The following NAALADL2 variants were observed in gnomAD, a reference collection of about 807,000 sequenced individuals.
The protein encoded by NAALADL2 is inactive N-acetylated-alpha-linked acidic dipeptidase-like protein 2.
NAALADL2 carries 76 observed loss-of-function variants against 87.2 expected under a neutral mutation model. That is an observed-to-expected ratio of 0.87 (90% CI 0.72 to 1.05). NAALADL2 has a LOEUF of 1.05. Ranked by LOEUF, NAALADL2 falls within the 50% of genes least tolerant of loss-of-function variation. NAALADL2 has a pLI of 0.00. For missense variants in NAALADL2, 1,089 were observed against 945.8 expected, an observed-to-expected ratio of 1.15 and a Z score of -1.99; for synonymous variants, 354 against 331.0, an observed-to-expected ratio of 1.07 and a Z score of -0.75.
intron 1 of NAALADL2, among the ~76,000 whole-genome samples, chr3:174,450,604 G>A (rs377256938): frequency 6.6e-6 from 1 of 152,188 alleles, no homozygotes; most frequent in South Asian, 2.1e-4. Context: ...GGGCGCGGTG[G>A]CTATTGCCTG....
intron 2 of NAALADL2, among the ~76,000 whole-genome samples, chr3:174,675,283 T>C (rs1037187224): frequency 2.0e-5 from 3 of 152,034 alleles, no homozygotes; most frequent in African/African-American, 7.2e-5. Context: ...AGGGATGACA[T>C]TTGCACTTGA....
intron 3 of NAALADL2, among the ~76,000 whole-genome samples, chr3:175,238,698 T>C (rs1746334897): frequency 6.6e-6 from 1 of 152,194 alleles, no homozygotes; most frequent in African/African-American, 2.4e-5. Flanking sequence ...TTAGATATAT[T>C]ATTGAAACTC....
At chr3:175,192,124 T>C (rs1738298625) in intron 2 of NAALADL2, among the ~76,000 whole-genome samples, 1 of 152,072 alleles carries the variant, frequency 6.6e-6, no homozygotes, top group South Asian at 2.1e-4. Flanking sequence ...AAAACAAATA[T>C]CAAACACTTT....
chr3:174,834,130 C>G (rs1723054551), intron 3 of NAALADL2, among the ~76,000 whole-genome samples: 1 of 148,160 alleles, frequency 6.7e-6, no homozygotes, highest in African/African-American at 2.5e-5. Context: ...AGGATTTATT[C>G]CCAAATGCAA....
At chr3:175,580,424 T>C (rs757623861) in intron 10 of NAALADL2, among the ~76,000 whole-genome samples, 3 of 152,198 alleles carry the variant, frequency 2.0e-5, no homozygotes, top group Non-Finnish European at 4.4e-5. Flanking sequence ...TAGAAGAATT[T>C]GTTACTTTCA....
intron 2 of NAALADL2, among the ~76,000 whole-genome samples, chr3:174,664,620 A>G (rs2108786255): frequency 6.6e-6 from 1 of 152,178 alleles, no homozygotes; most frequent in East Asian, 1.9e-4. Flanking sequence ...ACATACCTAC[A>G]TATGTTGTAG....
intron 5 of NAALADL2, among the ~76,000 whole-genome samples, chr3:175,403,523 G>A (rs184215033): frequency 4.2e-4 from 64 of 152,052 alleles, no homozygotes; most frequent in East Asian, 3.7e-3. Context: ...AAGGAATATC[G>A]TATATTTTTT....
At chr3:175,563,090 A>T (rs1362652043) in intron 9 of NAALADL2, among the ~76,000 whole-genome samples, 1 of 152,030 alleles carries the variant, frequency 6.6e-6, no homozygotes, top group East Asian at 1.9e-4. Flanking sequence ...TATTTAATTT[A>T]TTCTCTTTAG....
At chr3:175,768,917 T>A (rs951309174) in intron 13 of NAALADL2, among the ~76,000 whole-genome samples, 1 of 151,550 alleles carries the variant, frequency 6.6e-6, no homozygotes, top group African/African-American at 2.4e-5. Flanking sequence ...GATTTAAAAC[T>A]GAGTTTGAAT....
chr3:175,129,573 A>G (rs1727490167), intron 2 of NAALADL2, among the ~76,000 whole-genome samples: 2 of 152,162 alleles, frequency 1.3e-5, no homozygotes, highest in South Asian at 4.1e-4. Context: ...TCTGTGTTTG[A>G]GTTATTTCAC....
intron 3 of NAALADL2, among the ~76,000 whole-genome samples, chr3:174,838,378 G>A (rs1310467228): frequency 6.6e-6 from 1 of 152,130 alleles, no homozygotes; most frequent in Non-Finnish European, 1.5e-5. Flanking sequence ...CAGACCCACG[G>A]CCAACATAAT....
At chr3:175,001,130 C>G (rs957446145) in intron 1 of NAALADL2, among the ~76,000 whole-genome samples, 1 of 152,152 alleles carries the variant, frequency 6.6e-6, no homozygotes, top group Non-Finnish European at 1.5e-5. Context: ...GACAATTTGG[C>G]CACTATGTCA....
In NAALADL2 at chr3:175,806,061, T is replaced by C. The variant is rs1754675641; in HGVS notation, c.*2858T>C. 6.6e-6 allele frequency: 1 copy of C among 151,934 alleles called. No homozygotes were observed. The highest frequency in any genetic ancestry group is 2.4e-5 in the African/African-American group (1 of 41,402). The allele number at this position is 151,934 out of a possible 1,614,324, so 9.4% of individuals were successfully genotyped here. A position where few individuals can be genotyped will look rare whatever the true frequency, so the allele number is the denominator to read the frequency against. On this transcript the variant is annotated 3_prime_UTR_variant, in exon 14 of 14. Transcript: ENST00000454872. Reference sequence around the variant, plus strand: ...CTCTGCTTTCTCATGCAGTATATCTTGCTTCTCCCTGAGGAGACAGGGTTA... The same window carrying C: ...CTCTGCTTTCTCATGCAGTATATCTCGCTTCTCCCTGAGGAGACAGGGTTA...
chr3:175,646,136 C>A (rs991214321), intron 11 of NAALADL2, among the ~76,000 whole-genome samples: 3 of 151,872 alleles, frequency 2.0e-5, no homozygotes, highest in African/African-American at 7.2e-5. Context: ...TTGTCTTTTT[C>A]AACTTTGCTT....
Position 175,723,105 on chromosome 3 carries a change from A to C in NAALADL2, c.1897-14201A>C, listed in dbSNP as rs1012543450. Among the ~76,000 whole-genome samples, 3 of 152,244 alleles carry C rather than the reference A, an allele frequency of 2.0e-5. No homozygotes were observed. The South Asian group carries it at 6.2e-4, about 32-fold the overall frequency. On this transcript the variant is annotated intron_variant, in intron 11 of 13. Transcript: ENST00000454872. Reference sequence around the variant, plus strand: ...CCAGCGTCTAGTCAAGCTGTCCTAGATGTAGAAGAGACTGCTCAGTTCACA... The same window carrying C: ...CCAGCGTCTAGTCAAGCTGTCCTAGCTGTAGAAGAGACTGCTCAGTTCACA...
At chr3:174,626,955 G>GATTCATTTATTCATAAACT (rs1389487438) in intron 2 of NAALADL2, among the ~76,000 whole-genome samples, 5 of 151,986 alleles carry the variant, frequency 3.3e-5, no homozygotes, top group Admixed American at 3.3e-4. Context: ...TTACAAAGAT[G>GATTCATTTATTCATAAACT]ATTCATTTAT....
intron 10 of NAALADL2, among the ~76,000 whole-genome samples, chr3:175,595,437 T>C (rs114412314): frequency 1.9e-3 from 287 of 152,060 alleles, no homozygotes; most frequent in African/African-American, 6.3e-3. Flanking sequence ...GGAAAATAAG[T>C]CAAAATATCT....
At chr3:175,492,282 T>C (rs1192286702) in intron 9 of NAALADL2, among the ~76,000 whole-genome samples, 1 of 152,196 alleles carries the variant, frequency 6.6e-6, no homozygotes, top group Admixed American at 6.5e-5. Context: ...CATTCTTTAG[T>C]GTATGGAGTA....
At chr3:175,187,302 T>C (rs1475351816) in intron 2 of NAALADL2, among the ~76,000 whole-genome samples, 1 of 152,214 alleles carries the variant, frequency 6.6e-6, no homozygotes, top group Non-Finnish European at 1.5e-5. Flanking sequence ...TTCATGACTA[T>C]AGGAAGTGCT....
Sources: gnomAD v4.1 joint callset for allele counts (sites outside exome capture counted in the v4.1 genomes callset) on GRCh38, gnomAD v4.1.1 for gene constraint, MANE v1.5 for transcripts, NCBI Gene and HGNC (gene_info 2026-07-23, HGNC 2026-07-21) for gene names.